Variants in CPPED1 observed in about 807,000 individuals in gnomAD.
CPPED1 encodes serine/threonine-protein phosphatase CPPED1.
In CPPED1, 28 loss-of-function variants were observed where a neutral mutation model predicts 28.0. The ratio of observed to expected loss-of-function variants is 1.00; its 90% CI spans 0.74 to 1.37. The LOEUF (loss-of-function observed/expected upper bound fraction) is 1.37, where lower values mean the gene tolerates loss of function less well. Ranked by LOEUF, CPPED1 falls within the 40% of genes most tolerant of loss-of-function variation. The probability of loss-of-function intolerance (pLI) is 0.00; values close to 1 mark genes in which losing one functional copy is unlikely to be tolerated. For missense variants in CPPED1, 504 were observed against 416.5 expected, an observed-to-expected ratio of 1.21 and a Z score of -1.83; for synonymous variants, 198 against 180.2, an observed-to-expected ratio of 1.10 and a Z score of -0.79.
rs1251274321 is a variant in CPPED1 at position 12,709,704 on chromosome 16, A to C, written c.290-4655T>G. Among the ~76,000 whole-genome samples the C allele has an allele frequency of 6.6e-6, 1 of 152,188 alleles. No homozygotes were observed. Among genetic ancestry groups the C allele is most frequent in the African/African-American group, 2.4e-5 (1 of 41,444 alleles). On this transcript the variant is annotated intron_variant, in intron 2 of 3. Transcript: ENST00000381774. The surrounding 1 kb of genome is among the most constrained non-coding windows in gnomAD (Gnocchi z 4.4). The stretch of plus-strand genomic sequence containing the variant: ...TTAGGAAGAGAAATAAACATCCTTA[A>C]CTGGATAAAGGACATCTGTAAACAA...
intron 2 of CPPED1, among the ~76,000 whole-genome samples, chr16:12,780,472 G>A (rs768624130): frequency 3.3e-5 from 5 of 151,932 alleles, no homozygotes; most frequent in East Asian, 1.9e-4. Context: ...CACTGCACCC[G>A]GCCAGCCTGG....
intron 1 of CPPED1, among the ~76,000 whole-genome samples, chr16:12,786,450 T>C (rs1428817339): frequency 6.6e-6 from 1 of 152,222 alleles, no homozygotes; most frequent in Non-Finnish European, 1.5e-5. Context: ...TGGTGGTATA[T>C]TTTTTATTTT....
rs141818280 is a variant in CPPED1, at chr16:12,770,507, T to C, written c.289+10678A>G. 4.9e-3 allele frequency among the ~76,000 whole-genome samples: 747 copies of C among 152,232 alleles called. 2 individuals are homozygous for C. The highest frequency in any genetic ancestry group is 8.7e-3 in the Non-Finnish European group (592 of 67,998). ...GTAAATCACACAACAATGTGCACAG[T>C]ATGATCACGTTTGTATTTAAGAAAA... On this transcript the variant is annotated intron_variant, in intron 2 of 3. Coordinates refer to ENST00000381774, the MANE Select transcript of CPPED1 (RefSeq NM_018340.3).
At chr16:12,686,241 A>ATATATATATAT (rs35644844) in intron 3 of CPPED1, among the ~76,000 whole-genome samples, 5 of 106,898 alleles carry the variant, frequency 4.7e-5, no homozygotes, top group African/African-American at 2.1e-4. Context: ...ATATATATAT[A>ATATATATATAT]TTTTTTTTTT....
At chr16:12,794,167 T>C (rs1175710515) in intron 1 of CPPED1, among the ~76,000 whole-genome samples, 2 of 152,084 alleles carry the variant, frequency 1.3e-5, no homozygotes, top group African/African-American at 4.8e-5. Flanking sequence ...GATAAGAGTG[T>C]CCTTCATTAG....
chr16:12,802,524 C>T (rs1179158975), intron 1 of CPPED1, among the ~76,000 whole-genome samples: 3 of 152,136 alleles, frequency 2.0e-5, no homozygotes, highest in Non-Finnish European at 2.9e-5. Flanking sequence ...TCGCTTGAAC[C>T]CGGGAGGCGG....
chr16:12,680,790 A>G (rs1449856862), intron 3 of CPPED1, among the ~76,000 whole-genome samples: 3 of 152,130 alleles, frequency 2.0e-5, no homozygotes, highest in African/African-American at 7.2e-5. Context: ...AGCCTCTCAA[A>G]GGTTTCACTG....
At chr16:12,694,566 C>G (rs528650255) in intron 3 of CPPED1, among the ~76,000 whole-genome samples, 2 of 152,052 alleles carry the variant, frequency 1.3e-5, no homozygotes, top group East Asian at 1.9e-4. Context: ...CATTAAATGA[C>G]TAGTGTGTGA....
intron 1 of CPPED1, among the ~76,000 whole-genome samples, chr16:12,801,643 G>T (rs1172680975): frequency 6.6e-6 from 1 of 152,030 alleles, no homozygotes; most frequent in Non-Finnish European, 1.5e-5. Flanking sequence ...TCCACAAAGA[G>T]ATTTGTACAG....
rs1373484627 is a variant in CPPED1, at chr16:12,670,727, T to C, written c.716-5612A>G. 1.1e-4 allele frequency among the ~76,000 whole-genome samples: 17 copies of C among 152,156 alleles called. No homozygotes were observed. The highest frequency in any genetic ancestry group is 1.1e-3 in the Admixed American group (17 of 15,274). ...ATTGTATCAAATACCTGACCAGCAC[T>C]CCTCAAAACTGTCATCAAAAACAAG... On this transcript the variant is annotated intron_variant, in intron 3 of 3. Transcript: ENST00000381774. The surrounding 1 kb of genome is among the most constrained non-coding windows in gnomAD (Gnocchi z 4.2).
chr16:12,731,786 G>A (rs1244214579), intron 2 of CPPED1, among the ~76,000 whole-genome samples: 3 of 150,966 alleles, frequency 2.0e-5, no homozygotes, highest in Non-Finnish European at 4.4e-5. Context: ...TTAGATGTAT[G>A]AGCAATGTGT....
chr16:12,702,443 T>A (rs997480811), intron 3 of CPPED1, among the ~76,000 whole-genome samples: 3 of 151,290 alleles, frequency 2.0e-5, no homozygotes, highest in Non-Finnish European at 2.9e-5. Context: ...AAGGTAGAGG[T>A]GGGAAGATTG....
intron 2 of CPPED1, among the ~76,000 whole-genome samples, chr16:12,774,574 T>C (rs1567303267): frequency 6.6e-6 from 1 of 152,340 alleles, no homozygotes; most frequent in East Asian, 1.9e-4. Context: ...TATGAATGCA[T>C]GCTGTTCTAG....
intron 3 of CPPED1, among the ~76,000 whole-genome samples, chr16:12,694,395 T>C (rs1190531203): frequency 1.3e-5 from 2 of 152,168 alleles, no homozygotes; most frequent in African/African-American, 4.8e-5. Flanking sequence ...ACACGCCAGA[T>C]TCTCAATTTA....
At chr16:12,723,575 G>A (rs1387608071) in intron 2 of CPPED1, among the ~76,000 whole-genome samples, 1 of 152,108 alleles carries the variant, frequency 6.6e-6, no homozygotes, top group African/African-American at 2.4e-5. Flanking sequence ...GGAAGGAATC[G>A]ATCTACCAAC....
rs556040100 is a variant in CPPED1 at position 12,769,685 on chromosome 16, G to A, written c.289+11500C>T. 2.8e-4 allele frequency among the ~76,000 whole-genome samples: 42 copies of A among 152,284 alleles called. No homozygotes were observed. The South Asian group carries it at 8.5e-3, about 31-fold the overall frequency. ...ATACTGGATGTGAAGGAGTGCAGGAGCCAGGGGGCTTGGCTGATTGCTCCC... is the reference window on the plus strand; with the variant it reads ...ATACTGGATGTGAAGGAGTGCAGGAACCAGGGGGCTTGGCTGATTGCTCCC... On this transcript the variant is annotated intron_variant, in intron 2 of 3. Transcript: ENST00000381774.
intron 2 of CPPED1, among the ~76,000 whole-genome samples, chr16:12,706,036 G>A (rs1036035766): frequency 1.3e-5 from 2 of 152,114 alleles, no homozygotes; most frequent in Admixed American, 6.5e-5. Flanking sequence ...TACATTGTTA[G>A]ACGTGTAAGA....
intron 2 of CPPED1, among the ~76,000 whole-genome samples, chr16:12,762,121 G>A (rs1364713320): frequency 1.3e-5 from 2 of 152,084 alleles, no homozygotes; most frequent in Non-Finnish European, 2.9e-5. Context: ...ACATATCCTC[G>A]GCTAATTGAG....
At chr16:12,675,028 T>C (rs934283903) in intron 3 of CPPED1, among the ~76,000 whole-genome samples, 1 of 152,222 alleles carries the variant, frequency 6.6e-6, no homozygotes, top group Non-Finnish European at 1.5e-5. Context: ...CTCCGAGTTA[T>C]AATCCTGTCC....
Sources: gnomAD v4.1 joint callset for allele counts (sites outside exome capture counted in the v4.1 genomes callset) on GRCh38, gnomAD v4.1.1 for gene constraint, Gnocchi (gnomAD v3.1) non-coding constraint, MANE v1.5 for transcripts, NCBI Gene and HGNC (gene_info 2026-07-23, HGNC 2026-07-21) for gene names.